TTC28: variants seen among roughly 807,000 people sequenced by gnomAD.
TTC28 encodes the protein tetratricopeptide repeat domain 28.
A neutral mutation model predicts 198.0 loss-of-function variants in TTC28; 61 were observed. The observed-to-expected ratio is 0.31, with a 90% CI of 0.25 to 0.38. The LOEUF is 0.38. Among genes scored for constraint, TTC28 ranks in the 10% least tolerant of loss-of-function variants. The pLI is 1.00. For synonymous variants in TTC28, 1,171 were observed against 1,297.8 expected, an observed-to-expected ratio of 0.90 and a Z score of 2.10; for missense variants, 2,678 against 3,164.0, an observed-to-expected ratio of 0.85 and a Z score of 3.69.
In TTC28 at chr22:27,980,306, A is replaced by C. The variant is rs980947391; in HGVS notation, c.*1915T>G. On this transcript the variant is annotated 3_prime_UTR_variant, in exon 23 of 23. Coordinates refer to ENST00000397906, the MANE Select transcript of TTC28 (RefSeq NM_001145418.2). ...TTTATTACCATTTTTTCCCCTACTA[A>C]CATAAAGAAACCCTCATAATTGCTG... 1 of 152,218 alleles carries C rather than the reference A, an allele frequency of 6.6e-6. No homozygotes were observed. The highest frequency in any genetic ancestry group is 1.5e-5 in the Non-Finnish European group (1 of 68,044). 9.4% of individuals were successfully genotyped at this position (152,218 alleles called of 1,614,324 possible). A position where few individuals can be genotyped will look rare whatever the true frequency, so the allele number is the denominator to read the frequency against.
intron 15 of TTC28, 180 bp downstream of exon 15, chr22:28,001,194 G>GT: frequency 1.4e-6 from 1 of 713,542 alleles, no homozygotes; most frequent in Non-Finnish European, 2.2e-6. Context: ...CATGAGGGCC[G>GT]TGCCCCACTT....
At chr22:28,105,051 A>C (rs1322733719) in intron 8 of TTC28, among the ~76,000 whole-genome samples, 1 of 152,280 alleles carries the variant, frequency 6.6e-6, no homozygotes, top group Non-Finnish European at 1.5e-5. Flanking sequence ...TCTGGGTCCG[A>C]GAGAGCAGGG....
intron 6 of TTC28, among the ~76,000 whole-genome samples, chr22:28,135,858 T>G (rs141053495): frequency 6.6e-6 from 1 of 152,142 alleles, no homozygotes; most frequent in Non-Finnish European, 1.5e-5. Flanking sequence ...ACAGTAGATA[T>G]ATGAAATTAA....
intron 2 of TTC28, among the ~76,000 whole-genome samples, chr22:28,553,627 C>T (rs1296373725): frequency 1.3e-5 from 2 of 151,832 alleles, no homozygotes; most frequent in Non-Finnish European, 2.9e-5. Flanking sequence ...CGTCTCCGCC[C>T]GGCAGCCACC....
intron 2 of TTC28, among the ~76,000 whole-genome samples, chr22:28,413,502 C>A (rs2047119591): frequency 6.6e-6 from 1 of 152,020 alleles, no homozygotes; most frequent in Admixed American, 6.5e-5. Flanking sequence ...AAATACTAAG[C>A]AATAAAATTG....
At chr22:28,443,349 A>G (rs1228600742) in intron 2 of TTC28, among the ~76,000 whole-genome samples, 1 of 152,230 alleles carries the variant, frequency 6.6e-6, no homozygotes, top group Non-Finnish European at 1.5e-5. Flanking sequence ...TTAGACAAGC[A>G]ATCAAACCCT....
intron 5 of TTC28, among the ~76,000 whole-genome samples, chr22:28,247,714 G>T (rs1433978726): frequency 6.6e-6 from 1 of 152,142 alleles, no homozygotes; most frequent in African/African-American, 2.4e-5. Flanking sequence ...CCTTGACAAA[G>T]AAGGCAGAGA....
chr22:28,566,657 CAG>C (rs1376094431), intron 2 of TTC28, among the ~76,000 whole-genome samples: 1 of 151,876 alleles, frequency 6.6e-6, no homozygotes, highest in Non-Finnish European at 1.5e-5. Context: ...TTAATATCCT[CAG>C]ATAAGACACT....
At chr22:28,067,571 C>T (rs908160629) in intron 12 of TTC28, among the ~76,000 whole-genome samples, 2 of 152,086 alleles carry the variant, frequency 1.3e-5, no homozygotes, top group Non-Finnish European at 2.9e-5. Flanking sequence ...TGTCTCTACT[C>T]GTGACATCTA....
intron 2 of TTC28, among the ~76,000 whole-genome samples, chr22:28,358,656 T>G (rs924937354): frequency 6.6e-6 from 1 of 152,216 alleles, no homozygotes; most frequent in Admixed American, 6.5e-5. Flanking sequence ...AGTAATACCC[T>G]CGTATATCAC....
intron 12 of TTC28, among the ~76,000 whole-genome samples, chr22:28,055,438 A>G (rs1940248071): frequency 6.6e-6 from 1 of 152,200 alleles, no homozygotes; most frequent in African/African-American, 2.4e-5. Context: ...AAACAAAGGA[A>G]AAAGATAGGC....
chr22:28,418,905 C>T (rs1485055918), intron 2 of TTC28, among the ~76,000 whole-genome samples: 1 of 152,080 alleles, frequency 6.6e-6, no homozygotes, highest in Non-Finnish European at 1.5e-5. Flanking sequence ...AATGAAAACT[C>T]ATGCAGAAGG....
At chr22:28,205,668 T>C (rs1037536221) in intron 5 of TTC28, among the ~76,000 whole-genome samples, 6 of 152,070 alleles carry the variant, frequency 3.9e-5, no homozygotes, top group East Asian at 1.9e-4. Flanking sequence ...GGGATAAATA[T>C]ATATAAATTA....
chr22:28,557,085 C>G (rs1569023842), intron 2 of TTC28, among the ~76,000 whole-genome samples: 1 of 152,224 alleles, frequency 6.6e-6, no homozygotes, highest in Non-Finnish European at 1.5e-5. Flanking sequence ...AAGAAAGAAT[C>G]ATTCGGGATC....
Position 27,983,723 on chromosome 22 carries a change from C to T in TTC28, c.5944G>A (p.Ala1982Thr). 1 of 1,551,388 alleles carries T rather than the reference C, an allele frequency of 6.4e-7. No individual in the cohort carries two copies. The highest frequency in any genetic ancestry group is 8.7e-7 in the Non-Finnish European group (1 of 1,146,890). ...ATGGCATCTGAGGCGATGCTGTCCGCACCGGTGGGAGAGAAGGGGGGTTGC... is the reference window on the plus strand; with the variant it reads ...ATGGCATCTGAGGCGATGCTGTCCGTACCGGTGGGAGAGAAGGGGGGTTGC... ...YQQPPFSPTG[A>T]DSIASDAISV... The change falls in exon 23 of 23, where the codon GCG becomes ACG. Residue 1982 changes from alanine to threonine, a missense_variant. By Grantham distance (58) the Ala-to-Thr change is moderately conservative. Around this residue, in one of 8 missense-constraint regions of TTC28, gnomAD observed 622 missense variants for 656.0 expected, o/e 0.95. Coordinates refer to ENST00000397906, the MANE Select transcript of TTC28 (RefSeq NM_001145418.2).
At chr22:28,273,746 G>C (rs1932240278) in intron 5 of TTC28, among the ~76,000 whole-genome samples, 1 of 152,092 alleles carries the variant, frequency 6.6e-6, no homozygotes, top group South Asian at 2.1e-4. Flanking sequence ...ACAAATTCAA[G>C]AAGCTCAGTG....
chr22:28,032,189 A>C (rs866635744), intron 12 of TTC28, among the ~76,000 whole-genome samples: 1 of 73,302 alleles, frequency 1.4e-5, no homozygotes, highest in African/African-American at 6.4e-5. Flanking sequence ...TATATATATA[A>C]AATATATATA....
In TTC28 at chr22:28,044,302, G is replaced by A. The variant is rs562577781; in HGVS notation, c.3933-13936C>T. 5.9e-5 allele frequency among the ~76,000 whole-genome samples: 9 copies of A among 152,128 alleles called. No homozygotes were observed. The South Asian group carries it at 1.0e-3, about 18-fold the overall frequency. On this transcript the variant is annotated intron_variant, in intron 12 of 22. Coordinates refer to ENST00000397906, the MANE Select transcript of TTC28 (RefSeq NM_001145418.2). ...GTATAGAACAAACCTTCTGTTGGTC[G>A]GAAGGCAAACGATACATTAACCTGC...
intron 5 of TTC28, among the ~76,000 whole-genome samples, chr22:28,270,131 T>C (rs954099625): frequency 6.6e-6 from 1 of 152,174 alleles, no homozygotes; most frequent in Admixed American, 6.5e-5. Context: ...CTTGGTTGTA[T>C]ATGTTTTAAG....
Sources: allele counts gnomAD v4.1 joint callset (sites outside exome capture counted in the v4.1 genomes callset), GRCh38; gene constraint gnomAD v4.1.1; regional missense constraint gnomAD v4.1.1; transcripts MANE v1.5; gene names NCBI Gene and HGNC (gene_info 2026-07-23, HGNC 2026-07-21).